The following EBF1 variants were observed in gnomAD, a reference collection of about 807,000 sequenced individuals.
EBF1 encodes the protein transcription factor COE1.
Under a neutral mutation model 68.4 loss-of-function variants are expected in EBF1, and 10 were observed. The observed-to-expected ratio is 0.15, with a 90% confidence interval of 0.09 to 0.25. EBF1 has a LOEUF of 0.25. Ranked by LOEUF, EBF1 falls within the 10% of genes least tolerant of loss-of-function variation. The pLI is 1.00. For missense variants in EBF1, 509 were observed against 794.4 expected, an observed-to-expected ratio of 0.64 and a Z score of 4.32; for synonymous variants, 298 against 299.8, an observed-to-expected ratio of 0.99 and a Z score of 0.06.
intron 6 of EBF1, among the ~76,000 whole-genome samples, chr5:158,965,864 G>A (rs1225691648): frequency 1.3e-5 from 2 of 152,106 alleles, no homozygotes; most frequent in African/African-American, 2.4e-5. Flanking sequence ...CTAGCCCATC[G>A]GCACTCTTTT....
chr5:158,768,515 A>C (rs1239307977), intron 10 of EBF1, among the ~76,000 whole-genome samples: 1 of 152,148 alleles, frequency 6.6e-6, no homozygotes, highest in African/African-American at 2.4e-5. Context: ...AACCGGTAGG[A>C]ATGTAAGCAA....
chr5:158,815,436 T>C (rs1375989481), intron 8 of EBF1, among the ~76,000 whole-genome samples: 1 of 152,208 alleles, frequency 6.6e-6, no homozygotes, highest in Non-Finnish European at 1.5e-5. Context: ...ATGAGATTTG[T>C]TGGAAGACTT....
At chr5:158,770,396 C>G (rs1174709007) in intron 10 of EBF1, among the ~76,000 whole-genome samples, 1 of 152,156 alleles carries the variant, frequency 6.6e-6, no homozygotes, top group African/African-American at 2.4e-5. Flanking sequence ...ATTCTGGTCT[C>G]CTATGCTTCT....
chr5:159,073,364 T>C (rs1778171900), intron 6 of EBF1, 32 bp downstream of exon 6: 3 of 1,609,084 alleles, frequency 1.9e-6, no homozygotes, highest in Non-Finnish European at 2.6e-6. Flanking sequence ...TAATGAGGAA[T>C]AAGAATCCAG....
chr5:158,786,882 A>G (rs1463957327), intron 9 of EBF1, among the ~76,000 whole-genome samples: 4 of 152,182 alleles, frequency 2.6e-5, no homozygotes, highest in African/African-American at 9.7e-5. Flanking sequence ...GAATAAATTC[A>G]CCTTTCACCA....
chr5:159,096,737 T>C, intron 2 of EBF1: 1 of 624,544 alleles, frequency 1.6e-6, no homozygotes. Flanking sequence ...TGGCTGTGGA[T>C]TGTAGAGCCA....
At chr5:159,093,805 A>G (rs1782061213) in intron 4 of EBF1, among the ~76,000 whole-genome samples, 1 of 152,024 alleles carries the variant, frequency 6.6e-6, no homozygotes, top group African/African-American at 2.4e-5. Context: ...AACATGTCTT[A>G]ATTCTGTGCT....
At chr5:158,757,647 A>C (rs181824561) in intron 10 of EBF1, among the ~76,000 whole-genome samples, 8 of 152,178 alleles carry the variant, frequency 5.3e-5, no homozygotes, top group Non-Finnish European at 8.8e-5. Flanking sequence ...CCAGTGTAAA[A>C]GTCCTGCCTT....
chr5:158,922,350 C>T (rs1318725885), intron 6 of EBF1, among the ~76,000 whole-genome samples: 3 of 152,214 alleles, frequency 2.0e-5, no homozygotes, highest in Admixed American at 6.5e-5. Flanking sequence ...AGAGTGTCTG[C>T]ATCTGTCATC....
intron 6 of EBF1, among the ~76,000 whole-genome samples, chr5:158,900,697 A>T (rs1301789559): frequency 6.6e-6 from 1 of 152,228 alleles, no homozygotes; most frequent in East Asian, 1.9e-4. Flanking sequence ...AAAAATATCA[A>T]CTGCAACAGC....
chr5:158,810,556 C>T (rs1037307520), intron 8 of EBF1, among the ~76,000 whole-genome samples: 4 of 152,076 alleles, frequency 2.6e-5, no homozygotes, highest in African/African-American at 9.7e-5. Flanking sequence ...TGTCCCTGTT[C>T]CCTGGGTCCC....
intron 6 of EBF1, among the ~76,000 whole-genome samples, chr5:159,058,144 T>C (rs1048687481): frequency 7.2e-5 from 11 of 152,234 alleles, no homozygotes; most frequent in African/African-American, 2.4e-4. Flanking sequence ...ATAGTCTTTA[T>C]TGTTTTTAAA....
At chr5:158,972,901 G>T (rs922497983) in intron 6 of EBF1, among the ~76,000 whole-genome samples, 1 of 152,170 alleles carries the variant, frequency 6.6e-6, no homozygotes, top group Admixed American at 6.5e-5. Context: ...CCCTGTGTTT[G>T]CTTCCCCTAG....
rs1293421965 is a variant in EBF1 at position 158,728,408 on chromosome 5, T to C, written c.1125+2661A>G. Reference sequence around the variant, plus strand: ...GACAAAGTGACACGTGCCTATGCTATTTGTTCAACATTTCTGAACATAACA... The same window carrying C: ...GACAAAGTGACACGTGCCTATGCTACTTGTTCAACATTTCTGAACATAACA... On this transcript the variant is annotated intron_variant, in intron 11 of 15. Coordinates refer to ENST00000313708, the MANE Select transcript of EBF1 (RefSeq NM_024007.5). Among the ~76,000 whole-genome samples the C allele has an allele frequency of 2.0e-5, 3 of 152,364 alleles. No individual in the cohort carries two copies. In the East Asian group the frequency reaches 5.8e-4, roughly 29 times the overall value.
chr5:158,852,825 T>G (rs185187152), intron 6 of EBF1, among the ~76,000 whole-genome samples: 13 of 152,300 alleles, frequency 8.5e-5, no homozygotes, highest in Non-Finnish European at 4.4e-5. Context: ...TGAGGGTGCT[T>G]TGTAGCTCAC....
chr5:158,970,724 CTG>C (rs1330030183), intron 6 of EBF1, among the ~76,000 whole-genome samples: 1 of 152,122 alleles, frequency 6.6e-6, no homozygotes, highest in Non-Finnish European at 1.5e-5. Context: ...ACTCAAAATC[CTG>C]TATGTCTGTT....
chr5:158,708,719 A>G (rs1157159130), intron 14 of EBF1, among the ~76,000 whole-genome samples: 2 of 152,212 alleles, frequency 1.3e-5, no homozygotes, highest in African/African-American at 4.8e-5. Context: ...AGCCTAAACT[A>G]AAGTTCTAGG....
At chr5:158,934,323 C>T (rs995726477) in intron 6 of EBF1, among the ~76,000 whole-genome samples, 1 of 152,208 alleles carries the variant, frequency 6.6e-6, no homozygotes, top group African/African-American at 2.4e-5. Context: ...TACACATACA[C>T]ACATACACAC....
At chr5:158,784,164 T>A (rs1270667386) in intron 9 of EBF1, among the ~76,000 whole-genome samples, 1 of 152,208 alleles carries the variant, frequency 6.6e-6, no homozygotes, top group Admixed American at 6.5e-5. Context: ...ATTTACATCC[T>A]GTAGTATTAT....
Sources: allele counts gnomAD v4.1 joint callset (sites outside exome capture counted in the v4.1 genomes callset), GRCh38; gene constraint gnomAD v4.1.1; transcripts MANE v1.5; gene names NCBI Gene and HGNC (gene_info 2026-07-23, HGNC 2026-07-21).